The following CRYBB2 variants were observed in gnomAD, a reference collection of about 807,000 sequenced individuals.
CRYBB2 encodes crystallin beta B2, also known as beta-crystallin B2.
In CRYBB2, 12 loss-of-function variants were observed where a neutral mutation model predicts 24.3. That is an observed-to-expected ratio of 0.49 (90% CI 0.32 to 0.80). CRYBB2 has a LOEUF of 0.80. Among genes scored for constraint, CRYBB2 ranks in the 30% least tolerant of loss-of-function variants. The probability of loss-of-function intolerance (pLI) is 0.04; values close to 1 mark genes in which losing one functional copy is unlikely to be tolerated. For missense variants in CRYBB2, 198 were observed against 268.5 expected, an observed-to-expected ratio of 0.74 and a Z score of 1.83; for synonymous variants, 98 against 101.6, an observed-to-expected ratio of 0.96 and a Z score of 0.21.
At chr22:25,229,013 TG>T (rs1370600252) in intron 4 of CRYBB2, among the ~76,000 whole-genome samples, 1 of 145,690 alleles carries the variant, frequency 6.9e-6, no homozygotes, top group Non-Finnish European at 1.5e-5. Flanking sequence ...TGTGCAAGTG[TG>T]GGTGTGCACG....
chr22:25,221,306 G>A (rs1211779922), intron 1 of CRYBB2, 98 bp from the exon 2 acceptor site: 2 of 782,832 alleles, frequency 2.6e-6, no homozygotes. Flanking sequence ...GAGAAAAAGA[G>A]AATGTTTGGG....
chr22:25,224,496 C>T (rs961282151), intron 2 of CRYBB2, among the ~76,000 whole-genome samples: 2 of 152,184 alleles, frequency 1.3e-5, no homozygotes, highest in African/African-American at 4.8e-5. Flanking sequence ...ATCCTTCTAA[C>T]AAACAATATC....
upstream of CRYBB2, among the ~76,000 whole-genome samples, chr22:25,218,172 T>TGAAC (rs1326106337): frequency 4.0e-5 from 6 of 149,666 alleles, no homozygotes; most frequent in African/African-American, 1.5e-4. Context: ...AGGAGGAGAA[T>TGAAC]GGTGTGAACA....
Position 25,226,480 on chromosome 22 carries a change from A to G in CRYBB2, c.174-1373A>G, listed in dbSNP as rs145155314. Among the ~76,000 whole-genome samples the G allele has an allele frequency of 3.4e-3, 517 of 152,264 alleles. 7 individuals carry two copies. In the East Asian group the frequency reaches 0.05, roughly 15 times the overall value. On this transcript the variant is annotated intron_variant, in intron 3 of 5. Transcript: ENST00000398215. The stretch of plus-strand genomic sequence containing the variant: ...AGCTTACCTGGTGATAGTTACGCCA[A>G]TTACATTTGAGAACCCACATCCTAT...
upstream of CRYBB2, among the ~76,000 whole-genome samples, chr22:25,215,573 T>G (rs564778524): frequency 1.2e-4 from 18 of 152,284 alleles, no homozygotes; most frequent in South Asian, 3.5e-3. Context: ...CGCCACTGGT[T>G]AGGGTCTCCC....
upstream of CRYBB2, among the ~76,000 whole-genome samples, chr22:25,211,729 C>T (rs1935108595): frequency 6.6e-6 from 1 of 152,186 alleles, no homozygotes; most frequent in African/African-American, 2.4e-5. Flanking sequence ...ATTTTGTCTT[C>T]TATGGGGCAG....
chr22:25,216,257 G>A (rs1483857955), upstream of CRYBB2, among the ~76,000 whole-genome samples: 1 of 152,142 alleles, frequency 6.6e-6, no homozygotes, highest in Non-Finnish European at 1.5e-5. Flanking sequence ...CTTCTATTTG[G>A]AAATAGGGTC....
At chr22:25,225,162 A>G (rs1239468362) in intron 3 of CRYBB2, 126 bp downstream of exon 3, 2 of 745,098 alleles carry the variant, frequency 2.7e-6, no homozygotes, top group African/African-American at 1.7e-5. Flanking sequence ...CTGGCAGCCT[A>G]TGGAGATAAT....
At chr22:25,224,431 T>C (rs1418653436) in intron 2 of CRYBB2, among the ~76,000 whole-genome samples, 1 of 152,214 alleles carries the variant, frequency 6.6e-6, no homozygotes. Context: ...TATGTCATAA[T>C]TAGTTCTCCC....
chr22:25,216,118 T>A (rs1473730945), upstream of CRYBB2, among the ~76,000 whole-genome samples: 2 of 151,782 alleles, frequency 1.3e-5, no homozygotes, highest in African/African-American at 2.4e-5. Flanking sequence ...CTTTCTTATT[T>A]ATAAGGACAC....
chr22:25,215,972 T>C (rs1935164610), upstream of CRYBB2, among the ~76,000 whole-genome samples: 1 of 152,230 alleles, frequency 6.6e-6, no homozygotes, highest in Non-Finnish European at 1.5e-5. Context: ...TGAGCCTCAA[T>C]TTTCTCTTTT....
At position 25,229,592 on chromosome 22, in the gene CRYBB2, C is replaced by T. The variant is rs1470725477; in HGVS notation, c.449+14C>T. Reference sequence around the variant, plus strand: ...GCAGAGTGGCACGTAAGTGCGTTGCCAGCCCTGGCTCACCCTGCCCCAGGA... The same window carrying T: ...GCAGAGTGGCACGTAAGTGCGTTGCTAGCCCTGGCTCACCCTGCCCCAGGA... On this transcript the variant is annotated intron_variant, in intron 5 of 5. Coordinates refer to ENST00000398215, the MANE Select transcript of CRYBB2 (RefSeq NM_000496.3). The T allele has an allele frequency of 6.2e-7, 1 of 1,614,108 alleles. No homozygotes were observed.
intron 4 of CRYBB2, among the ~76,000 whole-genome samples, chr22:25,228,997 C>CAT (rs962234976): frequency 6.9e-6 from 1 of 145,752 alleles, no homozygotes; most frequent in African/African-American, 2.6e-5. Context: ...TGTGGGTGTG[C>CAT]GTGTGTGTGC....
chr22:25,212,804 G>A (rs1935122291), exon 1 of CRYBB2: 1 of 152,130 alleles, frequency 6.6e-6, no homozygotes, highest in Non-Finnish European at 1.5e-5. Flanking sequence ...TGACTAACAG[G>A]AGCTGGGGTA....
Position 25,224,899 on chromosome 22 carries a change from G to GTC in CRYBB2, c.55-16_55-15dup. 7.4e-7 allele frequency: 1 copy of GTC among 1,343,572 alleles called. No individual in the cohort carries two copies. Among genetic ancestry groups the GTC allele is most frequent in the Non-Finnish European group, 1.1e-6 (1 of 932,736 alleles). The allele number at this position is 1,343,572 out of a possible 1,614,324, so 83.2% of individuals were successfully genotyped here. On this transcript the variant is annotated intron_variant, in intron 2 of 5. Coordinates refer to ENST00000398215, the MANE Select transcript of CRYBB2 (RefSeq NM_000496.3). ...CCTCTTCATCGTGATGAGGGTCTGA[G>GTC]TCTCGCTTCCTCTTGCAGATCATCA...
chr22:25,224,179 T>A (rs1210918414), intron 2 of CRYBB2, among the ~76,000 whole-genome samples: 1 of 150,394 alleles, frequency 6.6e-6, no homozygotes, highest in African/African-American at 2.5e-5. Flanking sequence ...GCTAGCATCA[T>A]GGTTAATGCT....
chr22:25,214,636 A>G lies in CRYBB2; in HGVS notation c.-27+1796A>G, dbSNP rs972597178. Among the ~76,000 whole-genome samples, 14 of 152,380 alleles carry G rather than the reference A, an allele frequency of 9.2e-5. No homozygotes were observed. In the East Asian group the frequency reaches 2.5e-3, roughly 27 times the overall value. On this transcript the variant is annotated intron_variant, in intron 1 of 5. Transcript: ENST00000651629. Reference sequence around the variant, plus strand: ...AAGCTATAGTTACTGAGCGCTTTCTATAATATTTGTAAGAGCCGCTACTGA... The same window carrying G: ...AAGCTATAGTTACTGAGCGCTTTCTGTAATATTTGTAAGAGCCGCTACTGA...
chr22:25,218,831 A>AAAG (rs1491349100), upstream of CRYBB2, among the ~76,000 whole-genome samples: 2 of 114,926 alleles, frequency 1.7e-5, no homozygotes, highest in African/African-American at 8.0e-5. Flanking sequence ...AGAAAGAAAG[A>AAAG]AAGAAAGAGA....
At chr22:25,215,683 C>T (rs1009303740), upstream of CRYBB2, among the ~76,000 whole-genome samples, 2 of 152,168 alleles carry the variant, frequency 1.3e-5, no homozygotes, top group Admixed American at 1.3e-4. Context: ...CAGTAGGAAG[C>T]TTTATAGTTT....
Sources: gnomAD v4.1 joint callset for allele counts (sites outside exome capture counted in the v4.1 genomes callset) on GRCh38, gnomAD v4.1.1 for gene constraint, MANE v1.5 for transcripts, NCBI Gene and HGNC (gene_info 2026-07-23, HGNC 2026-07-21) for gene names.